PPP2R2C: variants seen among roughly 807,000 people sequenced by gnomAD.
PPP2R2C encodes the protein protein phosphatase 2 regulatory subunit Bgamma.
In PPP2R2C, 10 loss-of-function variants were observed where a neutral mutation model predicts 45.3. That is an observed-to-expected ratio of 0.22 (90% CI 0.14 to 0.37). The LOEUF (loss-of-function observed/expected upper bound fraction) is 0.37. PPP2R2C is among the 10% of genes least tolerant of loss of function. The pLI, the probability that PPP2R2C is intolerant of heterozygous loss-of-function variation, is 1.00. For synonymous variants in PPP2R2C, 257 were observed against 245.4 expected (o/e 1.05, Z -0.44); for missense variants, 308 against 619.7 (o/e 0.50, Z 5.34).
chr4:6,411,038 T>C (rs1718156901), intron 1 of PPP2R2C, among the ~76,000 whole-genome samples: 1 of 151,562 alleles, frequency 6.6e-6, no homozygotes, highest in African/African-American at 2.4e-5. Context: ...ACCTGGCTAA[T>C]TTGTGTATTT....
intron 2 of PPP2R2C, among the ~76,000 whole-genome samples, chr4:6,522,723 G>A (rs2108814966): frequency 6.6e-6 from 1 of 152,394 alleles, no homozygotes; most frequent in Admixed American, 6.5e-5. Flanking sequence ...GGATGCTGAG[G>A]TCTCAGCAGG....
At chr4:6,367,401 C>T (rs1433666619) in intron 5 of PPP2R2C, among the ~76,000 whole-genome samples, 1 of 152,016 alleles carries the variant, frequency 6.6e-6, no homozygotes, top group Non-Finnish European at 1.5e-5. Flanking sequence ...CAGAAGGATG[C>T]AAACCCCAAG....
rs573555928 is a variant in PPP2R2C, at chr4:6,394,902, G to A, written c.71-13808C>T. ...CCCCTTCCCAGGCCTATCTGCTCCA[G>A]GGCAGGGGTCAGGCTCTAAGCTGCT... On this transcript the variant is annotated intron_variant, in intron 1 of 8. Transcript: ENST00000382599. Among the ~76,000 whole-genome samples the A allele has an allele frequency of 1.8e-3, 267 of 152,344 alleles. 2 individuals carry two copies. The highest frequency in any genetic ancestry group is 3.1e-3 in the Non-Finnish European group (209 of 68,034).
At chr4:6,381,228 G>A (rs748201284) in intron 1 of PPP2R2C, 134 bp from the exon 2 acceptor site, 2 of 1,539,406 alleles carry the variant, frequency 1.3e-6, no homozygotes. Context: ...GCAGCAGGGA[G>A]CCTGAGGGGT....
chr4:6,392,864 C>T lies in PPP2R2C; in HGVS notation c.71-11770G>A, dbSNP rs993951981. Among the ~76,000 whole-genome samples, 6 of 152,176 alleles carry T rather than the reference C, an allele frequency of 3.9e-5. No homozygotes were observed. The South Asian group carries it at 1.0e-3, about 26-fold the overall frequency. ...CCATGCCTCACACATGGGTGACTCT[C>T]GGGTTTGTTAAGTAAGTGCCAGAGG... On this transcript the variant is annotated intron_variant, in intron 1 of 8. Transcript: ENST00000382599.
intron 1 of PPP2R2C, among the ~76,000 whole-genome samples, chr4:6,425,868 G>A (rs1043861676): frequency 1.3e-5 from 2 of 151,790 alleles, no homozygotes; most frequent in Admixed American, 6.6e-5. Flanking sequence ...TGTGTGGGGT[G>A]TGTGTGTGTG....
At chr4:6,335,045 G>C (rs752919231) in intron 6 of PPP2R2C, among the ~76,000 whole-genome samples, 16 of 152,154 alleles carry the variant, frequency 1.1e-4, no homozygotes, top group Non-Finnish European at 1.9e-4. Flanking sequence ...CCCTCTGCAG[G>C]GCCCACTGGA....
chr4:6,517,989 A>G (rs1416081465), intron 2 of PPP2R2C, among the ~76,000 whole-genome samples: 4 of 152,214 alleles, frequency 2.6e-5, no homozygotes, highest in Non-Finnish European at 5.9e-5. Flanking sequence ...AAAGCGGAAA[A>G]AGAAGCAAAA....
intron 1 of PPP2R2C, among the ~76,000 whole-genome samples, chr4:6,555,150 C>T (rs900645074): frequency 3.3e-5 from 5 of 152,030 alleles, no homozygotes; most frequent in African/African-American, 1.2e-4. Flanking sequence ...ATATCTGCCT[C>T]GGCCTCTTTT....
At chr4:6,336,444 TCA>T (rs1732857853) in intron 6 of PPP2R2C, among the ~76,000 whole-genome samples, 1 of 151,962 alleles carries the variant, frequency 6.6e-6, no homozygotes. Context: ...TTGAACGCCT[TCA>T]CCTCCCTGAG....
At chr4:6,404,075 G>C (rs1717627632) in intron 1 of PPP2R2C, among the ~76,000 whole-genome samples, 1 of 152,106 alleles carries the variant, frequency 6.6e-6, no homozygotes, top group African/African-American at 2.4e-5. Flanking sequence ...TCATGCTGAG[G>C]TGCTCAGCAT....
Position 6,378,365 on chromosome 4 carries a change from T to C in PPP2R2C, c.334+42A>G, listed in dbSNP as rs1407054738. On this transcript the variant is annotated intron_variant, in intron 3 of 8. Transcript: ENST00000382599. The surrounding 1 kb of genome is among the most constrained non-coding windows in gnomAD (Gnocchi z 5.2). ...CAAACCAGCATTTGGTAGAAACATC[T>C]ACGGCCTGTGCCCATGCAAGCGAGG... 6.2e-7 allele frequency: 1 copy of C among 1,613,176 alleles called. No individual in the cohort carries two copies. Among genetic ancestry groups the C allele is most frequent in the Non-Finnish European group, 8.5e-7 (1 of 1,179,890 alleles).
chr4:6,391,380 C>A (rs1716628140), intron 1 of PPP2R2C, among the ~76,000 whole-genome samples: 1 of 152,218 alleles, frequency 6.6e-6, no homozygotes, highest in African/African-American at 2.4e-5. Flanking sequence ...AGGCGCTGTG[C>A]AGGGAACTCG....
At chr4:6,355,314 T>A (rs1399489764) in intron 5 of PPP2R2C, among the ~76,000 whole-genome samples, 1 of 152,108 alleles carries the variant, frequency 6.6e-6, no homozygotes, top group Non-Finnish European at 1.5e-5. Flanking sequence ...ATAAGAGGCA[T>A]GGTCACAACA....
At chr4:6,347,803 C>CA in intron 6 of PPP2R2C, 43 bp downstream of exon 6, 19 of 1,447,364 alleles carry the variant, frequency 1.3e-5, no homozygotes, top group Non-Finnish European at 1.6e-5. Flanking sequence ...ACCCGCCCGC[C>CA]TGCCCAATGC....
intron 8 of PPP2R2C, among the ~76,000 whole-genome samples, chr4:6,325,652 T>A (rs1244965646): frequency 6.6e-6 from 1 of 152,172 alleles, no homozygotes; most frequent in Non-Finnish European, 1.5e-5. Context: ...GGAATTCAGC[T>A]GACACGTGCT....
intron 6 of PPP2R2C, among the ~76,000 whole-genome samples, chr4:6,340,351 G>C (rs1322279354): frequency 6.6e-6 from 1 of 152,000 alleles, no homozygotes; most frequent in Non-Finnish European, 1.5e-5. Context: ...TCTCATCCAG[G>C]GACACCTCTC....
chr4:6,539,038 C>T (rs900910443), intron 1 of PPP2R2C, among the ~76,000 whole-genome samples: 1 of 152,060 alleles, frequency 6.6e-6, no homozygotes, highest in African/African-American at 2.4e-5. Flanking sequence ...CCTAGAACCT[C>T]AGGATGTGAT....
At chr4:6,455,147 G>T in intron 1 of PPP2R2C, among the ~76,000 whole-genome samples, 1 of 152,194 alleles carries the variant, frequency 6.6e-6, no homozygotes. Context: ...GAGCTGCGTT[G>T]CATTCGTGGA....
Sources: allele counts gnomAD v4.1 joint callset (sites outside exome capture counted in the v4.1 genomes callset), GRCh38; gene constraint gnomAD v4.1.1; non-coding constraint Gnocchi (gnomAD v3.1); transcripts MANE v1.5; gene names NCBI Gene and HGNC (gene_info 2026-07-23, HGNC 2026-07-21).